Variants in STK3 observed in about 807,000 individuals in gnomAD.
The protein encoded by STK3 is serine/threonine kinase 3.
STK3 carries 41 observed loss-of-function variants against 58.0 expected under a neutral mutation model. The observed-to-expected ratio is 0.71, with a 90% CI of 0.55 to 0.92. The LOEUF (loss-of-function observed/expected upper bound fraction) is 0.92. STK3 is among the 40% of genes least tolerant of loss of function. The pLI, the probability that STK3 is intolerant of heterozygous loss-of-function variation, is 0.00. For missense variants in STK3, 479 were observed against 602.7 expected, an observed-to-expected ratio of 0.79 and a Z score of 2.15; for synonymous variants, 170 against 191.0, an observed-to-expected ratio of 0.89 and a Z score of 0.91.
chr8:98,893,424 A>G (rs1269038162), intron 1 of STK3, among the ~76,000 whole-genome samples: 2 of 52,068 alleles, frequency 3.8e-5, no homozygotes, highest in Non-Finnish European at 7.5e-5. Context: ...GAAGGAAGGA[A>G]AGAAAGAAAG....
chr8:98,836,020 G>A (rs1203606438), intron 3 of STK3, among the ~76,000 whole-genome samples: 2 of 152,166 alleles, frequency 1.3e-5, no homozygotes, highest in Middle Eastern at 3.2e-3. Flanking sequence ...GCCCAACATG[G>A]TGAAACCCTG....
intron 1 of STK3, among the ~76,000 whole-genome samples, chr8:98,814,611 A>G (rs1446719337): frequency 6.6e-6 from 1 of 152,134 alleles, no homozygotes; most frequent in Non-Finnish European, 1.5e-5. Context: ...GGCTCAGGCA[A>G]TCCTTCCACA....
chr8:98,534,930 C>CGA (rs1809635119), intron 9 of STK3, among the ~76,000 whole-genome samples: 2 of 152,142 alleles, frequency 1.3e-5, no homozygotes, highest in Non-Finnish European at 2.9e-5. Flanking sequence ...GGGATAATCC[C>CGA]TTAAAGAAAT....
intron 3 of STK3, among the ~76,000 whole-genome samples, chr8:98,412,133 G>A (rs995455972): frequency 3.3e-5 from 5 of 152,150 alleles, no homozygotes; most frequent in Admixed American, 6.6e-5. Context: ...TGCTCCCGAG[G>A]TGCTGCCTGC....
At chr8:98,694,549 G>T (rs1226529774) in intron 6 of STK3, among the ~76,000 whole-genome samples, 3 of 151,786 alleles carry the variant, frequency 2.0e-5, no homozygotes, top group Non-Finnish European at 4.4e-5. Context: ...CCCTTCCTTT[G>T]TCCATATGTT....
At chr8:98,627,410 A>G (rs539871304) in intron 6 of STK3, among the ~76,000 whole-genome samples, 9 of 149,808 alleles carry the variant, frequency 6.0e-5, no homozygotes, top group Non-Finnish European at 1.0e-4. Flanking sequence ...GCTACTTGGG[A>G]GGCTGAGACA....
intron 1 of STK3, among the ~76,000 whole-genome samples, chr8:98,892,609 C>T (rs1165381344): frequency 6.6e-6 from 1 of 152,150 alleles, no homozygotes. Flanking sequence ...GTCCCCTTTG[C>T]TTGGTACACT....
intron 1 of STK3, among the ~76,000 whole-genome samples, chr8:98,910,565 A>T (rs1188811777): frequency 6.6e-6 from 1 of 152,242 alleles, no homozygotes; most frequent in Non-Finnish European, 1.5e-5. Flanking sequence ...TTTTCTGAGG[A>T]ATATTTTTAC....
intron 1 of STK3, among the ~76,000 whole-genome samples, chr8:98,930,990 A>G (rs377437676): frequency 1.5e-4 from 23 of 152,246 alleles, no homozygotes; most frequent in African/African-American, 4.8e-4. Flanking sequence ...ATTTCTCAAC[A>G]CTCAGATCAA....
At chr8:98,472,281 C>T (rs1820981843) in intron 10 of STK3, among the ~76,000 whole-genome samples, 2 of 152,020 alleles carry the variant, frequency 1.3e-5, no homozygotes, top group South Asian at 4.1e-4. Flanking sequence ...AAAGAGATGG[C>T]TTCTTAAAAA....
intron 1 of STK3, among the ~76,000 whole-genome samples, chr8:98,890,864 C>G (rs1049385111): frequency 6.6e-6 from 1 of 152,226 alleles, no homozygotes; most frequent in African/African-American, 2.4e-5. Flanking sequence ...GATACATCTT[C>G]TAAAACACCA....
chr8:98,487,070 T>C (rs1822327665), intron 10 of STK3, among the ~76,000 whole-genome samples: 1 of 152,230 alleles, frequency 6.6e-6, no homozygotes, highest in Non-Finnish European at 1.5e-5. Flanking sequence ...TTATCTAATT[T>C]ATTCAACAAA....
chr8:98,747,082 T>C (rs1263248570), intron 4 of STK3, among the ~76,000 whole-genome samples: 1 of 142,978 alleles, frequency 7.0e-6, no homozygotes, highest in Non-Finnish European at 1.5e-5. Context: ...AATAACAACA[T>C]TTTCACCAAA....
At chr8:98,749,478 C>A in intron 3 of STK3, 88 bp from the exon 4 acceptor site, 1 of 616,854 alleles carries the variant, frequency 1.6e-6, no homozygotes. Context: ...TTCAACATTT[C>A]ATACTGTTCC....
chr8:98,906,660 T>A (rs1245507419), intron 1 of STK3: 1 of 152,210 alleles, frequency 6.6e-6, no homozygotes, highest in African/African-American at 2.4e-5. Context: ...TATTAAAAAA[T>A]GTTATTTTTA....
intron 6 of STK3, among the ~76,000 whole-genome samples, chr8:98,698,876 C>T (rs1759119963): frequency 6.6e-6 from 1 of 151,946 alleles, no homozygotes. Flanking sequence ...ATCTTTGTGG[C>T]ATTCTCTGTA....
At chr8:98,546,037 T>C (rs1810669756) in intron 9 of STK3, among the ~76,000 whole-genome samples, 1 of 152,168 alleles carries the variant, frequency 6.6e-6, no homozygotes, top group Admixed American at 6.6e-5. Context: ...TACAGAATGA[T>C]GTCTAACTTG....
intron 10 of STK3, among the ~76,000 whole-genome samples, chr8:98,519,471 C>T (rs1373902141): frequency 2.7e-5 from 4 of 145,668 alleles, no homozygotes; most frequent in African/African-American, 1.0e-4. Flanking sequence ...GGTGAAAAGA[C>T]CCTGAGAAAG....
At chr8:98,684,740 C>T (rs565905891) in intron 6 of STK3, among the ~76,000 whole-genome samples, 7 of 152,256 alleles carry the variant, frequency 4.6e-5, no homozygotes, top group South Asian at 2.1e-4. Context: ...TAGAAGCATT[C>T]GGACTTTGTT....
Sources: gnomAD v4.1 joint callset for allele counts (sites outside exome capture counted in the v4.1 genomes callset) on GRCh38, gnomAD v4.1.1 for gene constraint, MANE v1.5 for transcripts, NCBI Gene and HGNC (gene_info 2026-07-23, HGNC 2026-07-21) for gene names.